Variants in PSME2 observed in about 807,000 individuals in gnomAD.
The protein encoded by PSME2 is proteasome activator subunit 2.
In PSME2, 20 loss-of-function variants were observed where a neutral mutation model predicts 38.8. The observed-to-expected ratio is 0.52, with a 90% CI of 0.36 to 0.75. The LOEUF is 0.75. Among genes scored for constraint, PSME2 ranks in the 30% least tolerant of loss-of-function variants. The probability of loss-of-function intolerance (pLI) is 0.00; values close to 1 mark genes in which losing one functional copy is unlikely to be tolerated. For missense variants in PSME2, 227 were observed against 287.6 expected (o/e 0.79, Z 1.52); for synonymous variants, 82 against 102.5 (o/e 0.80, Z 1.21).
chr14:24,144,556 A>C (rs766411825), intron 6 of PSME2, 88 bp from the exon 7 acceptor site: 131 of 1,306,950 alleles, frequency 1.0e-4, no homozygotes, highest in Non-Finnish European at 1.4e-4. Flanking sequence ...AGTTATATTT[A>C]ATTGGGTACT....
intron 2 of PSME2, 177 bp downstream of exon 2, chr14:24,146,031 A>G (rs1321584302): frequency 4.6e-6 from 4 of 864,126 alleles, no homozygotes; most frequent in Non-Finnish European, 7.5e-6. Flanking sequence ...CGGGAGAGTC[A>G]TAAGAAAGGT....
chr14:24,144,606 T>TAATC, intron 6 of PSME2, 138 bp from the exon 7 acceptor site: 1 of 811,864 alleles, frequency 1.2e-6, no homozygotes, highest in Non-Finnish European at 2.0e-6. Flanking sequence ...TTATTTCATG[T>TAATC]AATCATCACA....
intron 1 of PSME2, 70 bp from the exon 2 acceptor site, chr14:24,146,310 G>A (rs1371930136): frequency 1.9e-6 from 3 of 1,578,908 alleles, no homozygotes; most frequent in Non-Finnish European, 1.7e-6. Flanking sequence ...CCACAACAGG[G>A]TGCCCTCGAA....
In PSME2 at chr14:24,145,444, CAG is replaced by C; in HGVS notation, c.164_165del (p.Ala55GlyfsTer21). ...AGTGGGGCCCGGAGGGAAGTCAAGT[CAG>C]CCACATTGAGGGAGTCCTCCTGCAC... is the stretch of plus-strand genomic sequence containing the variant. Reference protein sequence around the residue: ...QLLQEDSLNVADLTSLRAPLD... With the variant: ...QLLQEDSLNVXDLTSLRAPLD... On this transcript the variant is annotated frameshift_variant, in exon 4 of 11. Coordinates refer to ENST00000216802, the MANE Select transcript of PSME2 (RefSeq NM_002818.3). LOFTEE classifies it high-confidence loss of function. 6.4e-7 allele frequency: 1 copy of C among 1,555,366 alleles called. No homozygotes were observed.
Position 24,143,401 on chromosome 14 carries a change from T to G in PSME2, c.*8A>C. ...TATAGATCATTTATTTTCCTTCTAG[T>G]CCCGGGTTCAGTACATAGATGGCTT... is the stretch of plus-strand genomic sequence containing the variant. On this transcript the variant is annotated 3_prime_UTR_variant, in exon 11 of 11. Transcript: ENST00000216802. This position sits in a 1 kb window ranked among gnomAD's most constrained non-coding sequence, Gnocchi z 4.4. The G allele has an allele frequency of 6.2e-7, 1 of 1,606,528 alleles. No individual in the cohort carries two copies. Among genetic ancestry groups the G allele is most frequent in the Non-Finnish European group, 8.5e-7 (1 of 1,173,092 alleles).
At chr14:24,145,868 C>T (rs1228683332) in intron 2 of PSME2, 96 bp from the exon 3 acceptor site, 11 of 1,309,582 alleles carry the variant, frequency 8.4e-6, no homozygotes, top group Middle Eastern at 1.8e-4. Flanking sequence ...TCACTGGGTC[C>T]AAGACTTGCA....
chr14:24,146,465 G>C, intron 1 of PSME2, 69 bp downstream of exon 1: 1 of 1,603,778 alleles, frequency 6.2e-7, no homozygotes, highest in East Asian at 2.2e-5. Flanking sequence ...TTGGTCCCCT[G>C]AACCACCCAG....
Position 24,145,279 on chromosome 14 carries a change from G to A in PSME2, c.232-6C>T. The A allele has an allele frequency of 1.2e-6, 2 of 1,612,420 alleles. No individual in the cohort carries two copies. The highest frequency in any genetic ancestry group is 2.2e-5 in the South Asian group (2 of 90,940). On this transcript the variant is annotated splice_region_variant and splice_polypyrimidine_tract_variant and intron_variant, in intron 4 of 10. Coordinates refer to ENST00000216802, the MANE Select transcript of PSME2 (RefSeq NM_002818.3). Reference sequence around the variant, plus strand: ...TCCTGCTTATCTGTTTCCATCTAAGGCAAAAAGGGGGGAAAGTAGCTTTAG... The same window carrying A: ...TCCTGCTTATCTGTTTCCATCTAAGACAAAAAGGGGGGAAAGTAGCTTTAG...
At position 24,146,468 on chromosome 14, in the gene PSME2, C is replaced by T; in HGVS notation, c.48+66G>A. 3 of 1,605,512 alleles carry T rather than the reference C, an allele frequency of 1.9e-6. No homozygotes were observed. In the South Asian group the frequency reaches 3.3e-5, roughly 18 times the overall value. On this transcript the variant is annotated intron_variant, in intron 1 of 10. Transcript: ENST00000216802. Reference sequence around the variant, plus strand: ...CTCTGGCACTGCTTGGTCCCCTGAACCACCCAGCTTGGCCTCCACCCAAGA... The same window carrying T: ...CTCTGGCACTGCTTGGTCCCCTGAATCACCCAGCTTGGCCTCCACCCAAGA...
In PSME2 at chr14:24,143,410, C is replaced by T. The variant is rs139933307; in HGVS notation, c.719G>A (p.Ter240=). ...PKGEEKPSMY[*] Reference sequence around the variant, plus strand: ...TTTATTTTCCTTCTAGTCCCGGGTTCAGTACATAGATGGCTTTTCTTCACC... The same window carrying T: ...TTTATTTTCCTTCTAGTCCCGGGTTTAGTACATAGATGGCTTTTCTTCACC... The change falls in exon 11 of 11, where the codon TGA becomes TAA. Residue 240 remains the stop codon, a stop_retained_variant. Transcript: ENST00000216802. The surrounding 1 kb of genome is among the most constrained non-coding windows in gnomAD (Gnocchi z 4.4). 1 of 1,611,042 alleles carries T rather than the reference C, an allele frequency of 6.2e-7. No individual in the cohort carries two copies. The highest frequency in any genetic ancestry group is 1.3e-5 in the African/African-American group (1 of 74,848).
At chr14:24,144,635 T>C in intron 6 of PSME2, 167 bp from the exon 7 acceptor site, 2 of 697,908 alleles carry the variant, frequency 2.9e-6, no homozygotes, top group Non-Finnish European at 4.8e-6. Context: ...CAGAGATATG[T>C]ATTTATTGTA....
rs76107780 is a variant in PSME2 at position 24,143,436 on chromosome 14, C to T, written c.693G>A (p.Lys231=). 3,216 of 1,614,130 alleles carry T rather than the reference C, an allele frequency of 2.0e-3. 49 individuals are homozygous for T. The East Asian group carries it at 0.045, about 23-fold the overall frequency. The stretch of plus-strand genomic sequence containing the variant: ...AGTACATAGATGGCTTTTCTTCACC[C>T]TTTGGGTTGACAATTTTCTCCAGGT... The part of the protein sequence containing the change: ...SSNLEKIVNP[K]GEEKPSMY The change falls in exon 11 of 11, where the codon AAG becomes AAA. Residue 231 remains lysine, a synonymous_variant. Transcript: ENST00000216802. This position sits in a 1 kb window ranked among gnomAD's most constrained non-coding sequence, Gnocchi z 4.4.
At chr14:24,145,668 T>C (rs2038141349) in intron 3 of PSME2, 42 bp downstream of exon 3, 3 of 1,582,656 alleles carry the variant, frequency 1.9e-6, no homozygotes, top group Non-Finnish European at 2.6e-6. Context: ...GCAAAGGGGA[T>C]AGAGGACATA....
chr14:24,143,776 A>G lies in PSME2; in HGVS notation c.553-105T>C. ...TTAACTTGAGAATGAACCCCTTCTTAGCACCAAGAAATAGGATCCCAAAGG... is the reference window on the plus strand; with the variant it reads ...TTAACTTGAGAATGAACCCCTTCTTGGCACCAAGAAATAGGATCCCAAAGG... On this transcript the variant is annotated intron_variant, in intron 9 of 10. Coordinates refer to ENST00000216802, the MANE Select transcript of PSME2 (RefSeq NM_002818.3). This position sits in a 1 kb window ranked among gnomAD's most constrained non-coding sequence, Gnocchi z 4.4. The G allele has an allele frequency of 7.4e-7, 1 of 1,346,532 alleles. No homozygotes were observed. Among genetic ancestry groups the G allele is most frequent in the South Asian group, 1.2e-5 (1 of 81,556 alleles). The allele number at this position is 1,346,532 out of a possible 1,614,324, so 83.4% of individuals were successfully genotyped here.
At position 24,143,896 on chromosome 14, in the gene PSME2, A is replaced by C; in HGVS notation, c.552+79T>G. On this transcript the variant is annotated intron_variant, in intron 9 of 10. Transcript: ENST00000216802. The surrounding 1 kb of genome is among the most constrained non-coding windows in gnomAD (Gnocchi z 4.4). ...ATATTCTCCACATTGGGAAAGTCAC[A>C]AACAAGACAAGGAGGACTTCTTCCT... The C allele has an allele frequency of 6.5e-7, 1 of 1,533,432 alleles. No individual in the cohort carries two copies. The highest frequency in any genetic ancestry group is 9.0e-7 in the Non-Finnish European group (1 of 1,110,914). 95.0% of individuals were successfully genotyped at this position (1,533,432 alleles called of 1,614,324 possible).
rs2038112430 is a variant in PSME2, at chr14:24,143,844, G to A, written c.552+131C>T. 1 of 1,352,576 alleles carries A rather than the reference G, an allele frequency of 7.4e-7. No homozygotes were observed. The highest frequency in any genetic ancestry group is 1.0e-6 in the Non-Finnish European group (1 of 960,406). 83.8% of individuals were successfully genotyped at this position (1,352,576 alleles called of 1,614,324 possible). A position where few individuals can be genotyped will look rare whatever the true frequency, so the allele number is the denominator to read the frequency against. ...GTCAAGGTTGTTGAAGCCCAAACCA[G>A]TTTTTCTAGGTAATGCTTTTAGCTT... On this transcript the variant is annotated intron_variant, in intron 9 of 10. Transcript: ENST00000216802. The surrounding 1 kb of genome is among the most constrained non-coding windows in gnomAD (Gnocchi z 4.4).
chr14:24,143,644 G>A lies in PSME2; in HGVS notation c.580C>T (p.Arg194Ter), dbSNP rs751767914. 6 of 1,614,046 alleles carry A rather than the reference G, an allele frequency of 3.7e-6. No individual in the cohort carries two copies. The highest frequency in any genetic ancestry group is 2.2e-5 in the South Asian group (2 of 91,070). ...VMDYRALVHE[R>*]DEAAYGELRA... ...AGCTCCCCATAGGCTGCCTCATCTC[G>A]CTCATGCACCAAGGCCCGGTAATCC... Residue 194 changes from arginine (R) to a stop codon, truncating the protein, a stop_gained, in exon 10 of 11, where the codon CGA becomes TGA. Transcript: ENST00000216802. LOFTEE classifies it high-confidence loss of function. The surrounding 1 kb of genome is among the most constrained non-coding windows in gnomAD (Gnocchi z 4.4).
In PSME2 at chr14:24,145,121, T is replaced by C; in HGVS notation, c.297A>G (p.Lys99=). ...HKCGFLPGNE[K]VLSLLALVKP... is the part of the protein sequence containing the mutation. The stretch of plus-strand genomic sequence containing the variant: ...TAACCAGGGCAAGCAGGGACAGGAC[T>C]TTCTCATTCCCAGGGAGAAATCCAC... The change falls in exon 6 of 11, where the codon AAA becomes AAG. Residue 99 remains lysine (K), a synonymous_variant. Transcript: ENST00000216802. The C allele has an allele frequency of 1.2e-6, 2 of 1,613,726 alleles. No homozygotes were observed. Among genetic ancestry groups the C allele is most frequent in the Non-Finnish European group, 1.7e-6 (2 of 1,179,732 alleles).
At chr14:24,144,744 C>A (rs111912074) in intron 6 of PSME2, 1 of 572,540 alleles carries the variant, frequency 1.7e-6, no homozygotes, top group African/African-American at 1.9e-5. Flanking sequence ...TGAACCTAAG[C>A]AGTCTCTCTC....
Sources: gnomAD v4.1 joint callset for allele counts on GRCh38, gnomAD v4.1.1 for gene constraint, Gnocchi (gnomAD v3.1) non-coding constraint, MANE v1.5 for transcripts, NCBI Gene and HGNC (gene_info 2026-07-23, HGNC 2026-07-21) for gene names.